Variants in CMSS1 observed in about 807,000 individuals in gnomAD.
CMSS1 encodes the protein cms1 ribosomal small subunit homolog.
A neutral mutation model predicts 43.5 loss-of-function variants in CMSS1; 33 were observed. The ratio of observed to expected loss-of-function variants is 0.76; its 90% confidence interval spans 0.57 to 1.01. The LOEUF is 1.01. Among genes scored for constraint, CMSS1 ranks in the 50% least tolerant of loss-of-function variants. CMSS1 has a pLI of 0.00. For synonymous variants in CMSS1, 115 were observed against 117.2 expected, an observed-to-expected ratio of 0.98 and a Z score of 0.12; for missense variants, 313 against 326.4, an observed-to-expected ratio of 0.96 and a Z score of 0.32.
chr3:100,076,508 A>G (rs1262032685), intron 1 of CMSS1, among the ~76,000 whole-genome samples: 2 of 152,174 alleles, frequency 1.3e-5, no homozygotes, highest in East Asian at 1.9e-4. Flanking sequence ...GCAAAATCCT[A>G]TCTAATCTGT....
chr3:99,944,253 G>T (rs1707939183), intron 1 of CMSS1, among the ~76,000 whole-genome samples: 1 of 152,144 alleles, frequency 6.6e-6, no homozygotes, highest in South Asian at 2.1e-4. Context: ...ATTGGGATTT[G>T]GCCAAGAACC....
At chr3:100,018,763 GA>G (rs1710418829) in intron 1 of CMSS1, among the ~76,000 whole-genome samples, 1 of 146,756 alleles carries the variant, frequency 6.8e-6, no homozygotes, top group African/African-American at 2.5e-5. Context: ...TCAACAGAGT[GA>G]AAAGGCAGCC....
intron 1 of CMSS1, among the ~76,000 whole-genome samples, chr3:99,937,137 C>G (rs925865913): frequency 6.6e-6 from 1 of 151,824 alleles, no homozygotes; most frequent in Non-Finnish European, 1.5e-5. Context: ...GGAGTTTCAC[C>G]ATGTTGGCCA....
chr3:99,995,964 A>G (rs1336871066), intron 1 of CMSS1, among the ~76,000 whole-genome samples: 3 of 152,010 alleles, frequency 2.0e-5, no homozygotes, highest in Admixed American at 6.6e-5. Context: ...CCCTGGAGAC[A>G]TTTTCCCCAT....
At chr3:99,967,097 A>G (rs192052097) in intron 1 of CMSS1, among the ~76,000 whole-genome samples, 1 of 152,168 alleles carries the variant, frequency 6.6e-6, no homozygotes, top group Non-Finnish European at 1.5e-5. Context: ...AAGTTCTCAG[A>G]CTCTCTTCAC....
Position 99,897,843 on chromosome 3 carries a change from A to G in CMSS1, c.64+79800A>G, listed in dbSNP as rs78329289. Among the ~76,000 whole-genome samples, 687 of 152,316 alleles carry G rather than the reference A, an allele frequency of 4.5e-3. 7 individuals are homozygous for G. The highest frequency in any genetic ancestry group is 0.016 in the African/African-American group (673 of 41,568). ...ACAGAGAATCTCCTATAGTGTGTCA[A>G]AGCTTTCTGCTGAAATATATGTGGT... On this transcript the variant is annotated intron_variant, in intron 1 of 9. Transcript: ENST00000421999.
intron 1 of CMSS1, among the ~76,000 whole-genome samples, chr3:100,112,192 A>G (rs75888006): frequency 0.026 from 4,032 of 152,338 alleles, 183 homozygotes; most frequent in African/African-American, 0.091. Context: ...AAAAGCTACT[A>G]GCACTTTTTC....
chr3:99,869,447 T>C (rs1463767781), intron 1 of CMSS1, among the ~76,000 whole-genome samples: 1 of 152,224 alleles, frequency 6.6e-6, no homozygotes, highest in Non-Finnish European at 1.5e-5. Flanking sequence ...ATATGAGTGT[T>C]TGAAAAGTAG....
intron 1 of CMSS1, among the ~76,000 whole-genome samples, chr3:100,108,937 C>T (rs575221734): frequency 9.9e-5 from 15 of 152,100 alleles, no homozygotes; most frequent in East Asian, 7.7e-4. Flanking sequence ...TGGCCAGTTT[C>T]GCAACATGGC....
chr3:100,033,379 C>T (rs1203479081), intron 1 of CMSS1, among the ~76,000 whole-genome samples: 1 of 152,204 alleles, frequency 6.6e-6, no homozygotes, highest in African/African-American at 2.4e-5. Context: ...AGCTGCAGCT[C>T]TGGAAGGCTT....
intron 1 of CMSS1, among the ~76,000 whole-genome samples, chr3:99,957,540 G>A (rs4356849): frequency 1 from 151,704 of 152,118 alleles, 75,647 homozygotes; most frequent in Middle Eastern, 1. Context: ...GAACAAAACA[G>A]TGCTCTTAAT....
intron 1 of CMSS1, among the ~76,000 whole-genome samples, chr3:99,935,101 A>G (rs1188095398): frequency 6.6e-6 from 1 of 152,170 alleles, no homozygotes; most frequent in Non-Finnish European, 1.5e-5. Context: ...CTAGAGGAAG[A>G]AAACAAAGAC....
chr3:100,087,487 G>C (rs1354947855), intron 1 of CMSS1, among the ~76,000 whole-genome samples: 1 of 152,094 alleles, frequency 6.6e-6, no homozygotes, highest in Non-Finnish European at 1.5e-5. Context: ...AATGACTAAT[G>C]GTGTTGAGCA....
At chr3:100,178,254 A>T in intron 9 of CMSS1, 51 bp from the exon 10 acceptor site, 7 of 1,135,642 alleles carry the variant, frequency 6.2e-6, no homozygotes, top group Non-Finnish European at 9.3e-6. Flanking sequence ...ATTCACCAAG[A>T]CCATTTTGGC....
chr3:100,006,566 T>C (rs926095498), intron 1 of CMSS1, among the ~76,000 whole-genome samples: 3 of 152,126 alleles, frequency 2.0e-5, no homozygotes, highest in Middle Eastern at 3.2e-3. Flanking sequence ...ATCCCAGAAG[T>C]TGTAGTTTTA....
chr3:100,126,992 C>T (rs1420891539), intron 1 of CMSS1, among the ~76,000 whole-genome samples: 3 of 148,322 alleles, frequency 2.0e-5, no homozygotes, highest in Admixed American at 1.3e-4. Flanking sequence ...AGTGAGACTC[C>T]GTCTCAAAAA....
intron 1 of CMSS1, among the ~76,000 whole-genome samples, chr3:99,966,823 C>G (rs2107711331): frequency 6.6e-6 from 1 of 152,292 alleles, no homozygotes; most frequent in Middle Eastern, 3.4e-3. Flanking sequence ...TTCAACAGAG[C>G]ATGCCGTACT....
chr3:100,049,000 T>G (rs1240126623), intron 1 of CMSS1, among the ~76,000 whole-genome samples: 1 of 152,232 alleles, frequency 6.6e-6, no homozygotes, highest in African/African-American at 2.4e-5. Flanking sequence ...GGATTACATC[T>G]TATATGAATA....
chr3:100,034,811 T>C (rs2065079389), intron 1 of CMSS1, among the ~76,000 whole-genome samples: 1 of 152,168 alleles, frequency 6.6e-6, no homozygotes, highest in Non-Finnish European at 1.5e-5. Flanking sequence ...TATGCAGCCT[T>C]AGGAGAATAT....
Sources: allele counts gnomAD v4.1 joint callset (sites outside exome capture counted in the v4.1 genomes callset), GRCh38; gene constraint gnomAD v4.1.1; transcripts MANE v1.5; gene names NCBI Gene and HGNC (gene_info 2026-07-23, HGNC 2026-07-21).